TMEM232: variants seen among roughly 807,000 people sequenced by gnomAD.
The protein encoded by TMEM232 is transmembrane protein 232.
In TMEM232, 80 loss-of-function variants were observed where a neutral mutation model predicts 78.8. The observed-to-expected ratio is 1.01, with a 90% CI of 0.85 to 1.22. TMEM232 has a LOEUF of 1.22. Among genes scored for constraint, TMEM232 ranks in the 50% most tolerant of loss-of-function variants. The pLI is 0.00. For synonymous variants in TMEM232, 297 were observed against 254.3 expected, an observed-to-expected ratio of 1.17 and a Z score of -1.60; for missense variants, 881 against 742.2, an observed-to-expected ratio of 1.19 and a Z score of -2.17.
intron 1 of TMEM232, among the ~76,000 whole-genome samples, chr5:110,721,747 C>A (rs893629496): frequency 7.2e-6 from 1 of 138,778 alleles, no homozygotes; most frequent in African/African-American, 2.6e-5. Flanking sequence ...CTGACCAGAG[C>A]AGCTCCATTT....
chr5:110,525,899 G>A lies in TMEM232; in HGVS notation c.1703+2689C>T, dbSNP rs1770514512. Among the ~76,000 whole-genome samples, 2 of 150,792 alleles carry A rather than the reference G, an allele frequency of 1.3e-5. 1 individual carries two copies. Among genetic ancestry groups the A allele is most frequent in the Non-Finnish European group, 3.0e-5 (2 of 67,510 alleles). ...TTCAGAATTAGACAAAAAAAGAAAT[G>A]GGAATTTAGTATTTGAAAAAGTTGG... On this transcript the variant is annotated intron_variant, in intron 12 of 13. Coordinates refer to ENST00000455884, the MANE Select transcript of TMEM232 (RefSeq NM_001039763.4).
chr5:110,561,802 T>C (rs1775777852), intron 11 of TMEM232, among the ~76,000 whole-genome samples: 1 of 152,074 alleles, frequency 6.6e-6, no homozygotes, highest in Non-Finnish European at 1.5e-5. Flanking sequence ...TCAGTTAAAA[T>C]GGCATGTCTG....
intron 12 of TMEM232, among the ~76,000 whole-genome samples, chr5:110,472,228 G>A (rs1482859643): frequency 6.6e-6 from 1 of 151,684 alleles, no homozygotes; most frequent in African/African-American, 2.4e-5. Context: ...ATAAAAAATT[G>A]GTAGCATTTT....
At chr5:110,423,782 T>C (rs1376565412) in intron 13 of TMEM232, among the ~76,000 whole-genome samples, 2 of 138,938 alleles carry the variant, frequency 1.4e-5, no homozygotes, top group African/African-American at 2.7e-5. Flanking sequence ...TATGCGTGCG[T>C]GTGTGTGTGT....
intron 10 of TMEM232, among the ~76,000 whole-genome samples, chr5:110,584,686 T>C (rs1305547202): frequency 6.6e-6 from 1 of 152,076 alleles, no homozygotes; most frequent in African/African-American, 2.4e-5. Context: ...AAGTGTAAAG[T>C]GACACTATAA....
intron 12 of TMEM232, among the ~76,000 whole-genome samples, chr5:110,526,177 A>C (rs1770568069): frequency 6.6e-6 from 1 of 151,500 alleles, no homozygotes; most frequent in African/African-American, 2.4e-5. Context: ...TCATAAATAG[A>C]ACAAAAAAAT....
intron 2 of TMEM232, among the ~76,000 whole-genome samples, chr5:110,649,469 T>C (rs1158222655): frequency 6.6e-6 from 1 of 152,126 alleles, no homozygotes; most frequent in Non-Finnish European, 1.5e-5. Context: ...TGTTTATACT[T>C]TTAATTACAA....
intron 12 of TMEM232, among the ~76,000 whole-genome samples, chr5:110,434,916 A>C (rs1758256060): frequency 6.6e-6 from 1 of 152,030 alleles, no homozygotes; most frequent in South Asian, 2.1e-4. Flanking sequence ...CCCTTCATGA[A>C]AAATCTCTCA....
intron 12 of TMEM232, among the ~76,000 whole-genome samples, chr5:110,490,136 A>C (rs1414248324): frequency 3.9e-5 from 4 of 102,240 alleles, no homozygotes; most frequent in African/African-American, 2.1e-4. Context: ...AAAGAAAGAA[A>C]GAAAGAAAGA....
At chr5:110,622,846 G>C (rs60357203) in intron 7 of TMEM232, among the ~76,000 whole-genome samples, 2,518 of 148,564 alleles carry the variant, frequency 0.017, 67 homozygotes, top group African/African-American at 0.061. Context: ...ATGTTGTGGG[G>C]TGTGGGGAGG....
intron 3 of TMEM232, among the ~76,000 whole-genome samples, chr5:110,395,770 A>C (rs1004604215): frequency 3.3e-5 from 5 of 152,164 alleles, no homozygotes; most frequent in Admixed American, 3.3e-4. Flanking sequence ...TCTTATGACT[A>C]GATCTGGCCA....
chr5:110,663,352 A>G (rs1790066219), intron 2 of TMEM232, among the ~76,000 whole-genome samples: 2 of 152,072 alleles, frequency 1.3e-5, no homozygotes, highest in Non-Finnish European at 2.9e-5. Flanking sequence ...TATAATAAAT[A>G]TTTAATAATA....
At chr5:110,730,026 T>C (rs907533119), upstream of TMEM232, among the ~76,000 whole-genome samples, 15 of 152,192 alleles carry the variant, frequency 9.9e-5, no homozygotes, top group African/African-American at 3.6e-4. Context: ...ATCAAAATTT[T>C]ACCTAGAGAA....
chr5:110,662,818 AC>A (rs1345066026), intron 2 of TMEM232, among the ~76,000 whole-genome samples: 2 of 152,170 alleles, frequency 1.3e-5, no homozygotes, highest in African/African-American at 4.8e-5. Context: ...AATATTATTT[AC>A]AAAAATTTCC....
At chr5:110,729,732 G>A (rs1798498032), upstream of TMEM232, among the ~76,000 whole-genome samples, 1 of 152,098 alleles carries the variant, frequency 6.6e-6, no homozygotes, top group African/African-American at 2.4e-5. Context: ...GACAGTTGTG[G>A]TACCTCCTGC....
intron 12 of TMEM232, among the ~76,000 whole-genome samples, chr5:110,475,486 A>G (rs1332767310): frequency 7.5e-6 from 1 of 133,110 alleles, no homozygotes; most frequent in African/African-American, 2.8e-5. Context: ...ACCAGTTCTC[A>G]ATATATTGGA....
chr5:110,672,654 C>T (rs1004006105), intron 1 of TMEM232, among the ~76,000 whole-genome samples: 8 of 151,778 alleles, frequency 5.3e-5, no homozygotes, highest in Non-Finnish European at 1.2e-4. Flanking sequence ...AACAAATAAA[C>T]AAAAAGGTTC....
At chr5:110,637,607 A>G in intron 5 of TMEM232, among the ~76,000 whole-genome samples, 1 of 152,046 alleles carries the variant, frequency 6.6e-6, no homozygotes, top group African/African-American at 2.4e-5. Context: ...ATCTTAAAAA[A>G]TACTTTTAGC....
At chr5:110,615,734 C>T (rs1467383485) in intron 8 of TMEM232, among the ~76,000 whole-genome samples, 2 of 151,728 alleles carry the variant, frequency 1.3e-5, no homozygotes, top group Admixed American at 6.6e-5. Context: ...ATAGAAAACC[C>T]TAAAATGTTT....
Sources: allele counts gnomAD v4.1 joint callset (sites outside exome capture counted in the v4.1 genomes callset), GRCh38; gene constraint gnomAD v4.1.1; transcripts MANE v1.5; gene names NCBI Gene and HGNC (gene_info 2026-07-23, HGNC 2026-07-21).